The following ITPR2 variants were observed in gnomAD, a reference collection of about 807,000 sequenced individuals.
The protein encoded by ITPR2 is inositol 1,4,5-trisphosphate receptor type 2, also known as inositol 1,4,5-trisphosphate-gated calcium channel ITPR2.
Under a neutral mutation model 317.1 loss-of-function variants are expected in ITPR2, and 207 were observed. That is an observed-to-expected ratio of 0.65 (90% confidence interval 0.58 to 0.73). The LOEUF is 0.73. Among genes scored for constraint, ITPR2 ranks in the 30% least tolerant of loss-of-function variants. ITPR2 has a pLI of 0.00. For synonymous variants in ITPR2, 1,156 were observed against 1,149.1 expected (o/e 1.01, Z -0.12); for missense variants, 2,613 against 3,284.0 (o/e 0.80, Z 4.99).
intron 29 of ITPR2, 146 bp from the exon 30 acceptor site, chr12:26,599,491 C>G (rs1433246233): frequency 3.7e-5 from 26 of 694,652 alleles, no homozygotes; most frequent in Non-Finnish European, 5.5e-5. Context: ...TCAAAAAATG[C>G]GATGAGATCA....
chr12:26,522,167 C>T (rs1258646269), intron 37 of ITPR2, among the ~76,000 whole-genome samples: 2 of 152,094 alleles, frequency 1.3e-5, no homozygotes, highest in Non-Finnish European at 2.9e-5. Flanking sequence ...TATAAATACT[C>T]GAAACTTTCA....
chr12:26,535,979 A>C (rs570241232), intron 37 of ITPR2, among the ~76,000 whole-genome samples: 1 of 152,348 alleles, frequency 6.6e-6, no homozygotes, highest in South Asian at 2.1e-4. Context: ...TGTCTTGTCA[A>C]GAGGCTACAG....
chr12:26,397,646 C>A (rs559133864), intron 54 of ITPR2, among the ~76,000 whole-genome samples: 1 of 152,258 alleles, frequency 6.6e-6, no homozygotes, highest in South Asian at 2.1e-4. Flanking sequence ...TTACCTGATA[C>A]ACCTACAACT....
chr12:26,676,842 G>T (rs910537330), intron 13 of ITPR2, among the ~76,000 whole-genome samples: 5 of 151,950 alleles, frequency 3.3e-5, no homozygotes, highest in African/African-American at 1.2e-4. Flanking sequence ...AAAAACAAAA[G>T]GTGGTGCATC....
chr12:26,407,818 T>C (rs1303600670), intron 52 of ITPR2, among the ~76,000 whole-genome samples: 1 of 152,196 alleles, frequency 6.6e-6, no homozygotes, highest in Non-Finnish European at 1.5e-5. Flanking sequence ...TAACTAGTAG[T>C]ATCTATCTAT....
chr12:26,559,077 A>G (rs76246693), intron 35 of ITPR2, among the ~76,000 whole-genome samples: 9,968 of 152,244 alleles, frequency 0.065, 413 homozygotes, highest in African/African-American at 0.11. Context: ...CTGCATTACT[A>G]TTGTTACCTC....
chr12:26,418,962 A>G, intron 50 of ITPR2, 87 bp downstream of exon 50: 1 of 697,038 alleles, frequency 1.4e-6, no homozygotes, highest in African/African-American at 1.9e-5. Context: ...GGCTTTGCTT[A>G]AAAAAAAAAA....
chr12:26,496,319 G>C (rs1942930536), intron 37 of ITPR2, among the ~76,000 whole-genome samples: 1 of 152,170 alleles, frequency 6.6e-6, no homozygotes, highest in South Asian at 2.1e-4. Context: ...ATGTCCCGCT[G>C]CACCCAACCT....
intron 54 of ITPR2, among the ~76,000 whole-genome samples, chr12:26,394,861 G>C (rs898567998): frequency 6.6e-6 from 1 of 152,112 alleles, no homozygotes; most frequent in African/African-American, 2.4e-5. Flanking sequence ...ATGGTAGCTA[G>C]GGCACCTGGA....
At chr12:26,545,821 C>G (rs933415693) in intron 37 of ITPR2, among the ~76,000 whole-genome samples, 1 of 152,192 alleles carries the variant, frequency 6.6e-6, no homozygotes, top group East Asian at 1.9e-4. Flanking sequence ...TGAGCACCAG[C>G]TGTTTCAGAA....
At chr12:26,587,632 C>T (rs771734390) in intron 32 of ITPR2, among the ~76,000 whole-genome samples, 1 of 151,846 alleles carries the variant, frequency 6.6e-6, no homozygotes, top group African/African-American at 2.4e-5. Context: ...CTAAGTCACA[C>T]AGGGGTTTTA....
intron 13 of ITPR2, among the ~76,000 whole-genome samples, chr12:26,675,678 C>A (rs1187609678): frequency 2.0e-5 from 3 of 151,682 alleles, no homozygotes; most frequent in African/African-American, 7.3e-5. Context: ...CACATGTACC[C>A]TAAAACTTAA....
chr12:26,487,733 T>C (rs757036457), intron 39 of ITPR2, among the ~76,000 whole-genome samples: 1 of 152,202 alleles, frequency 6.6e-6, no homozygotes, highest in Non-Finnish European at 1.5e-5. Context: ...CCAAAGATCA[T>C]CCTGTATAAA....
At chr12:26,511,867 G>C (rs914602675) in intron 37 of ITPR2, among the ~76,000 whole-genome samples, 3 of 151,968 alleles carry the variant, frequency 2.0e-5, no homozygotes, top group Admixed American at 2.0e-4. Flanking sequence ...CACCATTTTC[G>C]CCCTCAGGCC....
intron 2 of ITPR2, among the ~76,000 whole-genome samples, chr12:26,767,382 T>A (rs1949740606): frequency 6.6e-6 from 1 of 152,210 alleles, no homozygotes; most frequent in African/African-American, 2.4e-5. Flanking sequence ...GGCAGGAAGC[T>A]CTTTCAATAT....
rs368544996 is a variant in ITPR2 at position 26,344,919 on chromosome 12, C to G, written c.7858-4591G>C. ...CTAAATATTATTCTGTCTTCCAACC[C>G]TCTTCTGGTTTTTCTAATCTTTCTT... On this transcript the variant is annotated intron_variant, in intron 55 of 56. Transcript: ENST00000381340. Among the ~76,000 whole-genome samples the G allele has an allele frequency of 3.9e-5, 6 of 152,088 alleles. No individual in the cohort carries two copies. The East Asian group carries it at 9.6e-4, about 24-fold the overall frequency.
intron 36 of ITPR2, among the ~76,000 whole-genome samples, chr12:26,553,872 C>A (rs1002458600): frequency 2.0e-5 from 3 of 152,174 alleles, no homozygotes; most frequent in Non-Finnish European, 4.4e-5. Flanking sequence ...TAGTTCTTCA[C>A]AGAGTTGGGG....
intron 48 of ITPR2, among the ~76,000 whole-genome samples, chr12:26,435,678 C>T (rs910196951): frequency 2.0e-5 from 3 of 152,144 alleles, no homozygotes; most frequent in Admixed American, 6.6e-5. Context: ...GTTTCATATT[C>T]AGTATCCTTT....
chr12:26,655,630 A>T, intron 20 of ITPR2, 78 bp downstream of exon 20: 1 of 1,267,680 alleles, frequency 7.9e-7, no homozygotes, highest in Non-Finnish European at 1.1e-6. Context: ...AAAAAAAAAA[A>T]AAGCAGAGAA....
Sources: gnomAD v4.1 joint callset for allele counts (sites outside exome capture counted in the v4.1 genomes callset) on GRCh38, gnomAD v4.1.1 for gene constraint, MANE v1.5 for transcripts, NCBI Gene and HGNC (gene_info 2026-07-23, HGNC 2026-07-21) for gene names.